Variants in NRXN1 observed in about 807,000 individuals in gnomAD.
NRXN1 encodes neurexin 1, also known as neurexin-1.
A neutral mutation model predicts 150.9 loss-of-function variants in NRXN1; 39 were observed. The observed-to-expected ratio is 0.26, with a 90% CI of 0.20 to 0.34. The LOEUF (loss-of-function observed/expected upper bound fraction) is 0.34, where lower values mean the gene tolerates loss of function less well. Among genes scored for constraint, NRXN1 ranks in the 10% least tolerant of loss-of-function variants. The pLI, the probability that NRXN1 is intolerant of heterozygous loss-of-function variation, is 1.00. For synonymous variants in NRXN1, 924 were observed against 757.0 expected, an observed-to-expected ratio of 1.22 and a Z score of -3.62; for missense variants, 1,815 against 1,949.9, an observed-to-expected ratio of 0.93 and a Z score of 1.30.
chr2:50,862,949 A>C (rs545772442), intron 5 of NRXN1, among the ~76,000 whole-genome samples: 43 of 152,192 alleles, frequency 2.8e-4, no homozygotes, highest in African/African-American at 1.0e-3. Context: ...AGCCTTCAAA[A>C]TAATATTATA....
At chr2:50,439,216 G>A (rs2085709317) in intron 17 of NRXN1, among the ~76,000 whole-genome samples, 1 of 152,178 alleles carries the variant, frequency 6.6e-6, no homozygotes, top group South Asian at 2.1e-4. Flanking sequence ...TAGGTTGCTG[G>A]GTAGTATGTT....
intron 21 of NRXN1, among the ~76,000 whole-genome samples, chr2:50,004,614 T>C (rs1327218177): frequency 4.6e-5 from 7 of 152,138 alleles, no homozygotes; most frequent in Admixed American, 4.6e-4. Context: ...TGTAGAATTA[T>C]TCAAGGCAAT....
intron 17 of NRXN1, among the ~76,000 whole-genome samples, chr2:50,460,001 CA>C (rs2088001406): frequency 1.3e-5 from 2 of 152,146 alleles, no homozygotes; most frequent in African/African-American, 4.8e-5. Context: ...AAAAAACATT[CA>C]GATGAGGCTA....
chr2:50,898,780 A>G (rs1682434797), intron 5 of NRXN1, among the ~76,000 whole-genome samples: 1 of 152,100 alleles, frequency 6.6e-6, no homozygotes, highest in Admixed American at 6.6e-5. Flanking sequence ...CATCATTAAC[A>G]GTGAAATATA....
At chr2:50,654,692 T>C (rs141364608) in intron 5 of NRXN1, among the ~76,000 whole-genome samples, 9,849 of 152,138 alleles carry the variant, frequency 0.065, 417 homozygotes, top group Middle Eastern at 0.095. Context: ...CCAGCACCTG[T>C]TGTTTCTTGA....
chr2:50,030,932 A>G (rs114901648), intron 21 of NRXN1, among the ~76,000 whole-genome samples: 3,162 of 152,178 alleles, frequency 0.021, 46 homozygotes, highest in Non-Finnish European at 0.032. Context: ...CTATGGCACT[A>G]GAGTTTGTAT....
At position 50,859,609 on chromosome 2, in the gene NRXN1, T is replaced by C. The variant is rs1675807355; in HGVS notation, c.832+62260A>G. On this transcript the variant is annotated intron_variant, in intron 5 of 22. Coordinates refer to ENST00000401669, the MANE Select transcript of NRXN1 (RefSeq NM_001330078.2). Reference sequence around the variant, plus strand: ...TTACAGGTTGGTTACAGGTATTTTTTTTTTTTTTGACAGATGAACACATTG... The same window carrying C: ...TTACAGGTTGGTTACAGGTATTTTTCTTTTTTTTGACAGATGAACACATTG... Among the ~76,000 whole-genome samples the C allele has an allele frequency of 2.6e-5, 4 of 151,856 alleles. No homozygotes were observed. The South Asian group carries it at 6.2e-4, about 24-fold the overall frequency.
At chr2:50,764,329 C>A (rs1702150761) in intron 5 of NRXN1, among the ~76,000 whole-genome samples, 2 of 151,932 alleles carry the variant, frequency 1.3e-5, no homozygotes, top group East Asian at 3.9e-4. Context: ...GACATTCATA[C>A]CATACTTTGC....
At chr2:50,807,471 A>AT (rs1173648887) in intron 5 of NRXN1, among the ~76,000 whole-genome samples, 1 of 152,158 alleles carries the variant, frequency 6.6e-6, no homozygotes, top group East Asian at 1.9e-4. Context: ...ATATTTCTGA[A>AT]TCACTGGACT....
intron 17 of NRXN1, among the ~76,000 whole-genome samples, chr2:50,404,608 T>C (rs1308821950): frequency 6.6e-6 from 1 of 152,282 alleles, no homozygotes; most frequent in East Asian, 1.9e-4. Flanking sequence ...CTATAGGCTC[T>C]AGCTAGCTAC....
At chr2:50,474,518 G>A (rs1398800439) in intron 15 of NRXN1, among the ~76,000 whole-genome samples, 1 of 151,480 alleles carries the variant, frequency 6.6e-6, no homozygotes, top group African/African-American at 2.4e-5. Context: ...GCAAACCTCT[G>A]TGCATTTCCT....
rs373477861 is a variant in NRXN1 at position 50,924,355 on chromosome 2, T to C, written c.790+1583A>G. Among the ~76,000 whole-genome samples, 275 of 151,248 alleles carry C rather than the reference T, an allele frequency of 1.8e-3. 3 individuals carry two copies. Among genetic ancestry groups the C allele is most frequent in the African/African-American group, 6.5e-3 (267 of 41,304 alleles). ...ATTGAACAGACTTTATTACAATAGC[T>C]TATGGGCCTATATTCTAAAAATAAA... On this transcript the variant is annotated intron_variant, in intron 3 of 22. Coordinates refer to ENST00000401669, the MANE Select transcript of NRXN1 (RefSeq NM_001330078.2).
intron 5 of NRXN1, among the ~76,000 whole-genome samples, chr2:50,681,165 G>A (rs919297374): frequency 5.3e-5 from 8 of 152,158 alleles, no homozygotes; most frequent in Non-Finnish European, 1.0e-4. Context: ...AGACTCTAAT[G>A]TTGGATCTGT....
At chr2:50,838,881 C>G (rs1039764130) in intron 5 of NRXN1, among the ~76,000 whole-genome samples, 1 of 152,070 alleles carries the variant, frequency 6.6e-6, no homozygotes, top group African/African-American at 2.4e-5. Flanking sequence ...AACTTTGGTA[C>G]TGAAGCCCTA....
intron 5 of NRXN1, among the ~76,000 whole-genome samples, chr2:50,767,509 G>C (rs1347865250): frequency 6.6e-6 from 1 of 152,014 alleles, no homozygotes; most frequent in Non-Finnish European, 1.5e-5. Flanking sequence ...GTATCAGACA[G>C]TGAACACTAA....
intron 19 of NRXN1, among the ~76,000 whole-genome samples, chr2:50,058,318 T>C (rs1693959121): frequency 6.6e-6 from 1 of 152,152 alleles, no homozygotes. Context: ...AAATATGTGA[T>C]AATATATAAG....
chr2:50,882,389 T>G (rs1679578074), intron 5 of NRXN1, among the ~76,000 whole-genome samples: 1 of 151,922 alleles, frequency 6.6e-6, no homozygotes, highest in African/African-American at 2.4e-5. Flanking sequence ...TTTCCATGCA[T>G]TATCTCTCGT....
rs2075410709 is a variant in NRXN1 at position 50,314,279 on chromosome 2, G to A, written c.3365-77309C>T. Among the ~76,000 whole-genome samples, 10 of 152,032 alleles carry A rather than the reference G, an allele frequency of 6.6e-5. No individual in the cohort carries two copies. The South Asian group carries it at 2.1e-3, about 32-fold the overall frequency. On this transcript the variant is annotated intron_variant, in intron 17 of 22. Transcript: ENST00000401669. ...CTTCACTTTGATCTGTTTCCCATGT[G>A]GACTCTGTATGATTTCTTTCAGAGG...
chr2:50,531,458 T>C, intron 10 of NRXN1, 28 bp from the exon 11 acceptor site: 2 of 1,556,720 alleles, frequency 1.3e-6, no homozygotes, highest in Non-Finnish European at 1.8e-6. Context: ...ATATGATAAG[T>C]TCTTGGATGG....
Sources: allele counts gnomAD v4.1 joint callset (sites outside exome capture counted in the v4.1 genomes callset), GRCh38; gene constraint gnomAD v4.1.1; transcripts MANE v1.5; gene names NCBI Gene and HGNC (gene_info 2026-07-23, HGNC 2026-07-21).